The following DCDC1 variants were observed in gnomAD, a reference collection of about 807,000 sequenced individuals.
The protein encoded by DCDC1 is doublecortin domain-containing protein 1.
In DCDC1, 200 loss-of-function variants were observed where a neutral mutation model predicts 178.3. The observed-to-expected ratio is 1.12, with a 90% confidence interval of 1.00 to 1.26. The LOEUF is 1.26. Among genes scored for constraint, DCDC1 ranks in the 50% most tolerant of loss-of-function variants. DCDC1 has a pLI of 0.00. For missense variants in DCDC1, 1,983 were observed against 1,749.2 expected, an observed-to-expected ratio of 1.13 and a Z score of -2.38; for synonymous variants, 690 against 604.8, an observed-to-expected ratio of 1.14 and a Z score of -2.07.
chr11:30,918,608 C>A (rs951323866), intron 25 of DCDC1, among the ~76,000 whole-genome samples: 1 of 151,908 alleles, frequency 6.6e-6, no homozygotes, highest in Admixed American at 6.6e-5. Flanking sequence ...TAGAAAGGGG[C>A]CAGCCATGTA....
intron 20 of DCDC1, among the ~76,000 whole-genome samples, chr11:30,995,354 C>T (rs1023319308): frequency 2.6e-5 from 4 of 152,022 alleles, no homozygotes; most frequent in Non-Finnish European, 5.9e-5. Flanking sequence ...TCTATAGATT[C>T]AATGTAATTC....
chr11:31,106,679 A>G, intron 13 of DCDC1, 118 bp downstream of exon 13: 1 of 688,266 alleles, frequency 1.5e-6, no homozygotes, highest in Non-Finnish European at 2.6e-6. Context: ...CTAAAATTTT[A>G]TTGGAATTCA....
At chr11:31,321,522 G>A (rs1304400573) in intron 3 of DCDC1, among the ~76,000 whole-genome samples, 2 of 152,236 alleles carry the variant, frequency 1.3e-5, no homozygotes, top group East Asian at 1.9e-4. Context: ...CTCGCGCACG[G>A]TGCACACACA....
chr11:31,086,831 T>C (rs947058888), intron 17 of DCDC1, among the ~76,000 whole-genome samples: 2 of 152,180 alleles, frequency 1.3e-5, no homozygotes, highest in African/African-American at 2.4e-5. Context: ...TTTGCACTTA[T>C]AGTCATGAGA....
At chr11:30,918,487 T>C (rs893539533) in intron 25 of DCDC1, among the ~76,000 whole-genome samples, 2 of 152,178 alleles carry the variant, frequency 1.3e-5, no homozygotes, top group African/African-American at 2.4e-5. Context: ...ATAAGTTGAA[T>C]AAAATAGGAT....
At chr11:31,039,077 G>A (rs1473030593) in intron 20 of DCDC1, among the ~76,000 whole-genome samples, 2 of 151,932 alleles carry the variant, frequency 1.3e-5, no homozygotes, top group Admixed American at 6.6e-5. Context: ...GTTTGCTGTG[G>A]ATAGTTATGT....
intron 9 of DCDC1, among the ~76,000 whole-genome samples, chr11:31,189,936 C>T (rs933781482): frequency 6.6e-6 from 1 of 152,150 alleles, no homozygotes; most frequent in Non-Finnish European, 1.5e-5. Context: ...CATTATTTGG[C>T]CTACCACATT....
At chr11:31,063,708 A>T (rs1311827796) in intron 20 of DCDC1, among the ~76,000 whole-genome samples, 3 of 152,092 alleles carry the variant, frequency 2.0e-5, no homozygotes, top group African/African-American at 7.2e-5. Flanking sequence ...GCTAGACCCC[A>T]TTTTTACAAT....
intron 9 of DCDC1, among the ~76,000 whole-genome samples, chr11:31,184,186 G>A (rs1014473594): frequency 1.1e-4 from 16 of 152,188 alleles, no homozygotes; most frequent in Admixed American, 3.9e-4. Context: ...AAGCAATGGG[G>A]AAAGGATTCC....
chr11:31,131,932 TA>T (rs1452841976), intron 10 of DCDC1, among the ~76,000 whole-genome samples: 1 of 152,196 alleles, frequency 6.6e-6, no homozygotes, highest in East Asian at 1.9e-4. Context: ...CTTTCACTGA[TA>T]GGGGATTTCA....
rs573327755 is a variant in DCDC1, at chr11:30,964,840, C to T, written c.2592-12272G>A. On this transcript the variant is annotated intron_variant, in intron 20 of 38. Transcript: ENST00000684477. ...CAATAGGCAGAATGAAATGATGAGTCTCATTTGCACGAAGAATGTTCATCC... is the reference window on the plus strand; with the variant it reads ...CAATAGGCAGAATGAAATGATGAGTTTCATTTGCACGAAGAATGTTCATCC... Among the ~76,000 whole-genome samples the T allele has an allele frequency of 3.2e-4, 48 of 152,210 alleles. No homozygotes were observed. The South Asian group carries it at 6.2e-3, about 20-fold the overall frequency.
chr11:31,124,018 T>G (rs1384948331), intron 11 of DCDC1, among the ~76,000 whole-genome samples: 1 of 152,080 alleles, frequency 6.6e-6, no homozygotes, highest in African/African-American at 2.4e-5. Context: ...CTCTTTTGTT[T>G]GCTGGTATGG....
At chr11:31,193,151 T>C (rs1970311135) in intron 9 of DCDC1, among the ~76,000 whole-genome samples, 1 of 152,040 alleles carries the variant, frequency 6.6e-6, no homozygotes, top group African/African-American at 2.4e-5. Flanking sequence ...GCTTTCCTGG[T>C]TCTCTAGTTT....
chr11:31,334,818 C>T (rs1950189239), intron 2 of DCDC1, among the ~76,000 whole-genome samples: 1 of 152,214 alleles, frequency 6.6e-6, no homozygotes, highest in Non-Finnish European at 1.5e-5. Flanking sequence ...GTCAGTTGGC[C>T]CCTGCTGGGA....
chr11:31,332,888 C>G (rs994226734), intron 2 of DCDC1, among the ~76,000 whole-genome samples: 1 of 152,156 alleles, frequency 6.6e-6, no homozygotes, highest in Admixed American at 6.6e-5. Flanking sequence ...CTGTAGATGT[C>G]TATTAGGTCT....
Position 31,245,876 on chromosome 11 carries a change from C to T in DCDC1, c.1055-4260G>A, listed in dbSNP as rs1292653421. Among the ~76,000 whole-genome samples the T allele has an allele frequency of 7.2e-5, 11 of 151,900 alleles. No homozygotes were observed. In the East Asian group the frequency reaches 2.1e-3, roughly 29 times the overall value. ...ACTGTTCAGGCTTCAAGAGGATCTTCTATTAAAACTTTCATCACTGATAAG... is the reference window on the plus strand; with the variant it reads ...ACTGTTCAGGCTTCAAGAGGATCTTTTATTAAAACTTTCATCACTGATAAG... On this transcript the variant is annotated intron_variant, in intron 8 of 38. Coordinates refer to ENST00000684477, the MANE Select transcript of DCDC1 (RefSeq NM_001387274.1).
intron 7 of DCDC1, among the ~76,000 whole-genome samples, chr11:31,280,352 A>C (rs1854782): frequency 1.3e-5 from 2 of 152,178 alleles, no homozygotes; most frequent in Non-Finnish European, 2.9e-5. Flanking sequence ...ATATAAAACC[A>C]ATCACCAGTA....
At chr11:31,343,811 T>C (rs1950674756) in intron 1 of DCDC1, among the ~76,000 whole-genome samples, 1 of 151,912 alleles carries the variant, frequency 6.6e-6, no homozygotes, top group Non-Finnish European at 1.5e-5. Context: ...TCCCAGCTAC[T>C]TGGGAGGCTG....
chr11:30,950,739 G>T (rs1170084927), intron 21 of DCDC1, among the ~76,000 whole-genome samples: 1 of 151,984 alleles, frequency 6.6e-6, no homozygotes, highest in African/African-American at 2.4e-5. Flanking sequence ...AAGGGAGGTT[G>T]TTTAATAGGT....
Sources: allele counts gnomAD v4.1 joint callset (sites outside exome capture counted in the v4.1 genomes callset), GRCh38; gene constraint gnomAD v4.1.1; transcripts MANE v1.5; gene names NCBI Gene and HGNC (gene_info 2026-07-23, HGNC 2026-07-21).